The following MSRA variants were observed in gnomAD, a reference collection of about 807,000 sequenced individuals.
MSRA encodes the protein mitochondrial peptide methionine sulfoxide reductase.
In MSRA, 54 loss-of-function variants were observed where a neutral mutation model predicts 31.3. The ratio of observed to expected loss-of-function variants is 1.73; its 90% CI spans 1.39 to 2.17. The LOEUF (loss-of-function observed/expected upper bound fraction) is 2.17. MSRA is among the 30% of genes most tolerant of loss of function. The pLI is 0.00. For missense variants in MSRA, 507 were observed against 300.9 expected, an observed-to-expected ratio of 1.69 and a Z score of -5.07; for synonymous variants, 169 against 116.5, an observed-to-expected ratio of 1.45 and a Z score of -2.90.
intron 1 of MSRA, among the ~76,000 whole-genome samples, chr8:10,129,995 C>T (rs1234356948): frequency 6.6e-6 from 1 of 152,148 alleles, no homozygotes; most frequent in Admixed American, 6.5e-5. Flanking sequence ...CACCTATCCC[C>T]ATCCATCCAT....
intron 1 of MSRA, among the ~76,000 whole-genome samples, chr8:10,169,696 C>T (rs868485601): frequency 7.2e-5 from 11 of 152,270 alleles, no homozygotes; most frequent in Middle Eastern, 6.8e-3. Context: ...TGTTCATTCC[C>T]AAGCATTTCA....
At chr8:10,118,811 C>G (rs1238132643) in intron 1 of MSRA, among the ~76,000 whole-genome samples, 1 of 152,194 alleles carries the variant, frequency 6.6e-6, no homozygotes, top group Non-Finnish European at 1.5e-5. Flanking sequence ...ACCCCAATTC[C>G]CACCCAAGGC....
At chr8:10,422,913 G>A (rs1808899688) in intron 5 of MSRA, among the ~76,000 whole-genome samples, 1 of 152,224 alleles carries the variant, frequency 6.6e-6, no homozygotes. Context: ...CCCCAAAAGT[G>A]GCCCCATAGG....
chr8:10,058,168 C>G (rs1014470853), intron 1 of MSRA, among the ~76,000 whole-genome samples: 3 of 151,940 alleles, frequency 2.0e-5, no homozygotes, highest in Non-Finnish European at 4.4e-5. Flanking sequence ...AGATGTAGAG[C>G]ACCATCAGAA....
intron 5 of MSRA, among the ~76,000 whole-genome samples, chr8:10,352,615 G>C (rs1804245342): frequency 6.6e-6 from 1 of 152,092 alleles, no homozygotes; most frequent in Non-Finnish European, 1.5e-5. Context: ...GTGCCATTTT[G>C]TCTCGGTAAA....
At chr8:10,116,749 C>A (rs1052437071) in intron 1 of MSRA, among the ~76,000 whole-genome samples, 3 of 152,050 alleles carry the variant, frequency 2.0e-5, no homozygotes, top group Non-Finnish European at 4.4e-5. Context: ...AGGCGGATCA[C>A]CTGAGGTTGG....
chr8:10,250,748 G>T (rs1290565927), intron 3 of MSRA: 2 of 446,938 alleles, frequency 4.5e-6, no homozygotes, highest in Non-Finnish European at 4.0e-6. Context: ...TTACTGTCAG[G>T]TGCTTATGTG....
intron 5 of MSRA, among the ~76,000 whole-genome samples, chr8:10,398,086 A>C (rs368527789): frequency 6.6e-6 from 1 of 152,234 alleles, no homozygotes; most frequent in African/African-American, 2.4e-5. Flanking sequence ...TTTGGAGTCT[A>C]TTAAAATTTG....
intron 1 of MSRA, among the ~76,000 whole-genome samples, chr8:10,062,217 G>A (rs597586): frequency 3.3e-5 from 5 of 152,196 alleles, no homozygotes; most frequent in African/African-American, 1.2e-4. Flanking sequence ...AGATGGCCAG[G>A]CTCCTTCCCA....
chr8:10,409,878 A>G (rs1343927445), intron 5 of MSRA, among the ~76,000 whole-genome samples: 1 of 152,206 alleles, frequency 6.6e-6, no homozygotes, highest in Non-Finnish European at 1.5e-5. Context: ...CCTGGGCAAC[A>G]TAGACCCTGT....
chr8:10,165,094 C>T (rs1805006057), intron 1 of MSRA, among the ~76,000 whole-genome samples: 1 of 152,110 alleles, frequency 6.6e-6, no homozygotes, highest in East Asian at 1.9e-4. Context: ...AGAGTGAAGT[C>T]CGGGTGTTAA....
chr8:10,152,040 C>A (rs139476458), intron 1 of MSRA, among the ~76,000 whole-genome samples: 1 of 152,164 alleles, frequency 6.6e-6, no homozygotes, highest in Non-Finnish European at 1.5e-5. Context: ...TTTCTTATTT[C>A]AATGTGTACA....
chr8:10,218,784 C>T (rs938455576), intron 2 of MSRA, among the ~76,000 whole-genome samples: 1 of 152,158 alleles, frequency 6.6e-6, no homozygotes, highest in African/African-American at 2.4e-5. Flanking sequence ...CTTAATTTGA[C>T]GGAATGACCA....
At chr8:10,119,394 A>G (rs1433065538) in intron 1 of MSRA, among the ~76,000 whole-genome samples, 2 of 152,288 alleles carry the variant, frequency 1.3e-5, no homozygotes, top group South Asian at 4.1e-4. Context: ...TAGAGGAGGT[A>G]ACAGAGGACA....
At chr8:10,225,386 T>C (rs972569532) in intron 2 of MSRA, among the ~76,000 whole-genome samples, 2 of 152,248 alleles carry the variant, frequency 1.3e-5, no homozygotes, top group African/African-American at 4.8e-5. Flanking sequence ...TCTCTGCCTG[T>C]GCTCTAAGCT....
intron 1 of MSRA, among the ~76,000 whole-genome samples, chr8:10,056,203 A>AC (rs751430470): frequency 3.4e-4 from 48 of 140,568 alleles, no homozygotes; most frequent in East Asian, 1.9e-3. Context: ...TACACCAAAA[A>AC]AAAAAAAAAA....
chr8:10,271,542 A>G (rs943725163), intron 3 of MSRA, among the ~76,000 whole-genome samples: 1 of 6,580 alleles, frequency 1.5e-4, no homozygotes, highest in African/African-American at 3.0e-4. Flanking sequence ...ATGGATTACT[A>G]TGCATCTTAT....
chr8:10,242,672 A>T (rs1429026459), intron 2 of MSRA, among the ~76,000 whole-genome samples: 1 of 152,220 alleles, frequency 6.6e-6, no homozygotes, highest in South Asian at 2.1e-4. Context: ...CAGATTATTG[A>T]AATTTATGAG....
chr8:10,171,273 C>T (rs1687599822), intron 1 of MSRA, among the ~76,000 whole-genome samples: 2 of 152,002 alleles, frequency 1.3e-5, no homozygotes, highest in African/African-American at 4.8e-5. Context: ...TGTGCCATTC[C>T]TCTTAGTCTG....
Sources: gnomAD v4.1 joint callset for allele counts (sites outside exome capture counted in the v4.1 genomes callset) on GRCh38, gnomAD v4.1.1 for gene constraint, MANE v1.5 for transcripts, NCBI Gene and HGNC (gene_info 2026-07-23, HGNC 2026-07-21) for gene names.